The following DLGAP1 variants were observed in gnomAD, a reference collection of about 807,000 sequenced individuals.
DLGAP1 encodes the protein disks large-associated protein 1.
Under a neutral mutation model 90.8 loss-of-function variants are expected in DLGAP1, and 11 were observed. The ratio of observed to expected loss-of-function variants is 0.12; its 90% CI spans 0.08 to 0.20. DLGAP1 has a LOEUF of 0.20. Ranked by LOEUF, DLGAP1 falls within the 10% of genes least tolerant of loss-of-function variation. The probability of loss-of-function intolerance (pLI) is 1.00; values close to 1 mark genes in which losing one functional copy is unlikely to be tolerated. For missense variants in DLGAP1, 1,050 were observed against 1,333.8 expected, an observed-to-expected ratio of 0.79 and a Z score of 3.31; for synonymous variants, 558 against 540.7, an observed-to-expected ratio of 1.03 and a Z score of -0.44.
intron 7 of DLGAP1, chr18:3,597,168 G>A (rs754414129): frequency 1.9e-6 from 1 of 516,884 alleles, no homozygotes; most frequent in Middle Eastern, 3.2e-4. Context: ...CTGTCTGTTT[G>A]CACACAGATG....
At chr18:4,371,498 G>A (rs1006679410) in intron 1 of DLGAP1, among the ~76,000 whole-genome samples, 1 of 152,214 alleles carries the variant, frequency 6.6e-6, no homozygotes, top group African/African-American at 2.4e-5. Flanking sequence ...CAAAGAATCA[G>A]ATGACTCAAA....
At chr18:3,596,773 T>A in intron 7 of DLGAP1, 1 of 502,382 alleles carries the variant, frequency 2.0e-6, no homozygotes, top group Non-Finnish European at 3.9e-6. Flanking sequence ...GAAGGGGAGG[T>A]GATCGGGGCA....
intron 1 of DLGAP1, among the ~76,000 whole-genome samples, chr18:4,439,655 A>C (rs78600770): frequency 0.041 from 6,267 of 152,124 alleles, 393 homozygotes; most frequent in African/African-American, 0.13. Context: ...AAAAATAAAA[A>C]TAAACTAGCC....
At chr18:3,853,990 G>GAAC (rs1277627644) in intron 4 of DLGAP1, among the ~76,000 whole-genome samples, 1 of 151,792 alleles carries the variant, frequency 6.6e-6, no homozygotes, top group Admixed American at 6.6e-5. Flanking sequence ...TCTTTCCAAA[G>GAAC]AACAACAACA....
At chr18:4,396,396 T>C (rs1313182869) in intron 1 of DLGAP1, among the ~76,000 whole-genome samples, 2 of 152,100 alleles carry the variant, frequency 1.3e-5, no homozygotes, top group Admixed American at 1.3e-4. Context: ...TCCTTCATGA[T>C]CATGAGGACC....
chr18:3,772,332 TTCTCTCTCTCTCTC>T (rs10532577), intron 5 of DLGAP1, among the ~76,000 whole-genome samples: 3 of 93,976 alleles, frequency 3.2e-5, no homozygotes, highest in Non-Finnish European at 5.9e-5. Context: ...CTTTCTCTCC[TTCTCTCTCTCTCTC>T]TCTTTCTTTC....
intron 1 of DLGAP1, among the ~76,000 whole-genome samples, chr18:4,403,362 C>T (rs913924809): frequency 1.3e-5 from 2 of 152,040 alleles, no homozygotes; most frequent in African/African-American, 4.8e-5. Flanking sequence ...TAATTTTACC[C>T]ACATAATGAA....
chr18:3,895,919 A>G (rs2071611159), intron 3 of DLGAP1: 1 of 152,226 alleles, frequency 6.6e-6, no homozygotes, highest in Non-Finnish European at 1.5e-5. Context: ...AGACAAGGAC[A>G]TTTTGGGTAG....
chr18:4,236,502 T>TATG (rs2078418718), intron 1 of DLGAP1, among the ~76,000 whole-genome samples: 1 of 152,292 alleles, frequency 6.6e-6, no homozygotes, highest in South Asian at 2.1e-4. Context: ...TTTGTTCACT[T>TATG]ATGTGCCACT....
At chr18:3,614,108 G>A (rs1178703859) in intron 7 of DLGAP1, among the ~76,000 whole-genome samples, 1 of 151,980 alleles carries the variant, frequency 6.6e-6, no homozygotes. Context: ...TTTTAGTAGA[G>A]ACAGTTTCAC....
At chr18:4,113,259 TCAC>T (rs1203743266) in intron 2 of DLGAP1, among the ~76,000 whole-genome samples, 1 of 152,224 alleles carries the variant, frequency 6.6e-6, no homozygotes, top group Non-Finnish European at 1.5e-5. Context: ...CTTTTCAGTC[TCAC>T]CAGCATCTGC....
chr18:3,688,267 T>G (rs942328658), intron 7 of DLGAP1, among the ~76,000 whole-genome samples: 1 of 152,046 alleles, frequency 6.6e-6, no homozygotes, highest in African/African-American at 2.4e-5. Context: ...AAAATGGATA[T>G]AGTTAATGGT....
chr18:4,099,336 T>TATCTATCC (rs2075739731), intron 2 of DLGAP1, among the ~76,000 whole-genome samples: 2 of 129,104 alleles, frequency 1.5e-5, no homozygotes, highest in East Asian at 4.9e-4. Flanking sequence ...TCTATCTATC[T>TATCTATCC]ATCTATCTAT....
At chr18:4,216,277 C>G (rs1185242515) in intron 1 of DLGAP1, among the ~76,000 whole-genome samples, 1 of 124,276 alleles carries the variant, frequency 8.0e-6, no homozygotes, top group Non-Finnish European at 1.7e-5. Flanking sequence ...TGTAACCGCT[C>G]TCGTGATTAA....
At chr18:3,936,367 G>GC (rs1252914636) in intron 3 of DLGAP1, among the ~76,000 whole-genome samples, 2 of 152,096 alleles carry the variant, frequency 1.3e-5, no homozygotes, top group Non-Finnish European at 2.9e-5. Flanking sequence ...ATTCTTCTTT[G>GC]CCCCACAGAC....
chr18:4,306,695 AG>A (rs2080273065), intron 1 of DLGAP1, among the ~76,000 whole-genome samples: 1 of 152,190 alleles, frequency 6.6e-6, no homozygotes, highest in Admixed American at 6.5e-5. Flanking sequence ...TACTACTTTT[AG>A]GGATTCAGTT....
chr18:4,010,874 GAA>G (rs11316332), intron 2 of DLGAP1, among the ~76,000 whole-genome samples: 1,932 of 145,010 alleles, frequency 0.013, 41 homozygotes, highest in African/African-American at 0.046. Flanking sequence ...ACACAAGGAT[GAA>G]AAAAAAAAAA....
intron 1 of DLGAP1, among the ~76,000 whole-genome samples, chr18:4,353,857 C>T (rs1199811618): frequency 3.9e-5 from 6 of 152,158 alleles, no homozygotes; most frequent in African/African-American, 7.2e-5. Context: ...AAATCACTGT[C>T]GCTCTGAAAA....
At chr18:4,312,587 C>T (rs12150852) in intron 1 of DLGAP1, among the ~76,000 whole-genome samples, 1,761 of 152,218 alleles carry the variant, frequency 0.012, 20 homozygotes, top group Non-Finnish European at 0.019. Flanking sequence ...GGGATGTGAT[C>T]CCACCGCAAG....
Sources: allele counts gnomAD v4.1 joint callset (sites outside exome capture counted in the v4.1 genomes callset), GRCh38; gene constraint gnomAD v4.1.1; transcripts MANE v1.5; gene names NCBI Gene and HGNC (gene_info 2026-07-23, HGNC 2026-07-21).